Variants in B4GALT6 observed in about 807,000 individuals in gnomAD.
B4GALT6 encodes beta-1,4-galactosyltransferase 6, also known as UDP-Gal:beta-GlcNAc beta-1,4-galactosyltransferase 6.
In B4GALT6, 14 loss-of-function variants were observed where a neutral mutation model predicts 46.3. The observed-to-expected ratio is 0.30, with a 90% CI of 0.20 to 0.47. The LOEUF (loss-of-function observed/expected upper bound fraction) is 0.47, where lower values mean the gene tolerates loss of function less well. Among genes scored for constraint, B4GALT6 ranks in the 20% least tolerant of loss-of-function variants. B4GALT6 has a pLI of 0.99. For missense variants in B4GALT6, 386 were observed against 480.1 expected, an observed-to-expected ratio of 0.80 and a Z score of 1.83; for synonymous variants, 168 against 162.0, an observed-to-expected ratio of 1.04 and a Z score of -0.28.
upstream of B4GALT6, chr18:31,684,862 G>T: frequency 1.3e-6 from 1 of 790,938 alleles, no homozygotes; most frequent in Non-Finnish European, 1.5e-6. Flanking sequence ...TCCGCTGCCC[G>T]CGCCCGGCGG....
intron 5 of B4GALT6, among the ~76,000 whole-genome samples, chr18:31,632,263 T>C (rs980979309): frequency 3.3e-5 from 5 of 152,184 alleles, no homozygotes; most frequent in African/African-American, 1.2e-4. Context: ...AGTCATTTTA[T>C]TTTTTACAGC....
chr18:31,626,283 C>T lies in B4GALT6; in HGVS notation c.1001G>A (p.Arg334Gln), dbSNP rs1332441165. Residue 334 changes from arginine to glutamine, a missense_variant and splice_region_variant, in exon 8 of 9, where the codon CGG (arginine) becomes CAG (glutamine). By Grantham distance (43) the Arg-to-Gln change is conservative. This residue lies in a region of B4GALT6 where 323 missense variants were observed against 438.9 expected (regional missense o/e 0.74). Coordinates refer to ENST00000306851, the MANE Select transcript of B4GALT6 (RefSeq NM_004775.5). ...TATCTGAAGATGACATTCAACTTAC[C>T]GTCCTAAAAACTGGACTTCACCTCT... ...HHRGEVQFLG[R>Q]YKLLRYSKER... The T allele has an allele frequency of 2.6e-6, 4 of 1,543,572 alleles. No individual in the cohort carries two copies. The highest frequency in any genetic ancestry group is 3.5e-6 in the Non-Finnish European group (4 of 1,132,396).
At chr18:31,697,269 C>A in the B4GALT6 span, among the ~76,000 whole-genome samples, 1 of 151,802 alleles carries the variant, frequency 6.6e-6, no homozygotes, top group Non-Finnish European at 1.5e-5. Flanking sequence ...CTGTCTCCCC[C>A]ACCCTGAAAA....
intron 5 of B4GALT6, among the ~76,000 whole-genome samples, chr18:31,638,383 C>T (rs144909229): frequency 1.1e-4 from 17 of 152,052 alleles, no homozygotes; most frequent in African/African-American, 3.9e-4. Context: ...AAAAATTAGC[C>T]GGGCGTGGTG....
the B4GALT6 span, among the ~76,000 whole-genome samples, chr18:31,704,141 AT>A: frequency 1.3e-4 from 20 of 152,150 alleles, no homozygotes; most frequent in South Asian, 1.0e-3. Flanking sequence ...TTAGTTACTA[AT>A]CTGAAGAGGA....
At chr18:31,657,891 C>T in intron 3 of B4GALT6, 85 bp downstream of exon 3, 1 of 992,014 alleles carries the variant, frequency 1.0e-6, no homozygotes, top group Non-Finnish European at 1.6e-6. Context: ...ACATGACCTG[C>T]TCCTGCTGCA....
At chr18:31,701,498 A>G in the B4GALT6 span, among the ~76,000 whole-genome samples, 3 of 152,198 alleles carry the variant, frequency 2.0e-5, no homozygotes, top group East Asian at 3.8e-4. Context: ...AGGCTAATAC[A>G]TATATAAAAG....
chr18:31,663,005 T>A (rs2074237718), intron 2 of B4GALT6, among the ~76,000 whole-genome samples: 1 of 152,098 alleles, frequency 6.6e-6, no homozygotes, highest in Non-Finnish European at 1.5e-5. Context: ...CTATAAAAGG[T>A]AGACATTATT....
the B4GALT6 span, among the ~76,000 whole-genome samples, chr18:31,691,197 A>G: frequency 5.9e-5 from 9 of 151,716 alleles, no homozygotes; most frequent in South Asian, 4.2e-4. Context: ...TTTTGATGAT[A>G]TGTGTTACTA....
chr18:31,649,436 T>A (rs2074032982), intron 3 of B4GALT6, among the ~76,000 whole-genome samples: 1 of 152,104 alleles, frequency 6.6e-6, no homozygotes, highest in African/African-American at 2.4e-5. Context: ...GCATTTCTAC[T>A]CCCTGGCTCC....
the B4GALT6 span, among the ~76,000 whole-genome samples, chr18:31,695,074 A>G: frequency 6.6e-6 from 1 of 152,184 alleles, no homozygotes; most frequent in Admixed American, 6.5e-5. Flanking sequence ...AAGGAATATT[A>G]ATGCCATGAA....
At chr18:31,626,922 G>A (rs751631235) in intron 7 of B4GALT6, 77 bp downstream of exon 7, 22 of 1,258,098 alleles carry the variant, frequency 1.7e-5, no homozygotes, top group East Asian at 2.6e-5. Context: ...TCTTGGAATG[G>A]ATAAGTACTA....
Position 31,666,342 on chromosome 18 carries a change from C to T in B4GALT6, c.146G>A (p.Arg49Gln), listed in dbSNP as rs761646121. 31 of 1,606,178 alleles carry T rather than the reference C, an allele frequency of 1.9e-5. No homozygotes were observed. Among genetic ancestry groups the T allele is most frequent in the Non-Finnish European group, 2.6e-5 (31 of 1,175,304 alleles). The part of the protein sequence containing the change: ...ANTYLFMVQA[R>Q]GIMLRENVKT... ...CACATTTTCTCTCAACATTATACCTCGAGCTTGTACCATAAAGAGATATGT... is the reference window on the plus strand; with the variant it reads ...CACATTTTCTCTCAACATTATACCTTGAGCTTGTACCATAAAGAGATATGT... Residue 49 changes from arginine (R) to glutamine (Q), a missense_variant, in exon 2 of 9, where the codon CGA becomes CAA. Transcript: ENST00000306851.
intron 1 of B4GALT6, among the ~76,000 whole-genome samples, chr18:31,679,542 AC>A (rs1446530443): frequency 6.6e-6 from 1 of 152,194 alleles, no homozygotes; most frequent in Non-Finnish European, 1.5e-5. Context: ...TTCCAATTTA[AC>A]CCGTGATTCC....
At chr18:31,643,263 A>C (rs543054093) in intron 4 of B4GALT6, among the ~76,000 whole-genome samples, 25 of 152,204 alleles carry the variant, frequency 1.6e-4, no homozygotes, top group Non-Finnish European at 2.9e-4. Context: ...AGGATTTGCT[A>C]AAAGTTGAAA....
chr18:31,661,795 C>T (rs976836676), intron 2 of B4GALT6, among the ~76,000 whole-genome samples: 4 of 152,178 alleles, frequency 2.6e-5, no homozygotes, highest in African/African-American at 9.7e-5. Flanking sequence ...GGGTCATCTG[C>T]CTTGAGACGT....
chr18:31,632,518 T>C (rs1021741354), intron 5 of B4GALT6, among the ~76,000 whole-genome samples: 1 of 152,236 alleles, frequency 6.6e-6, no homozygotes, highest in African/African-American at 2.4e-5. Context: ...CCGGTATTTA[T>C]CTACATATTT....
chr18:31,676,995 A>C (rs2074422201), intron 1 of B4GALT6, among the ~76,000 whole-genome samples: 1 of 152,236 alleles, frequency 6.6e-6, no homozygotes, highest in Non-Finnish European at 1.5e-5. Flanking sequence ...CTTATATTAA[A>C]TATATCTTCT....
At chr18:31,649,553 A>T (rs1049376363) in intron 3 of B4GALT6, among the ~76,000 whole-genome samples, 1 of 149,908 alleles carries the variant, frequency 6.7e-6, no homozygotes, top group African/African-American at 2.5e-5. Context: ...ACAAGCAAAA[A>T]ACAACCCCAT....
Sources: gnomAD v4.1 joint callset for allele counts (sites outside exome capture counted in the v4.1 genomes callset) on GRCh38, gnomAD v4.1.1 for gene constraint, gnomAD v4.1.1 regional missense constraint, MANE v1.5 for transcripts, NCBI Gene and HGNC (gene_info 2026-07-23, HGNC 2026-07-21) for gene names.